The following CSMD1 variants were observed in gnomAD, a reference collection of about 807,000 sequenced individuals.
CSMD1 encodes CUB and Sushi multiple domains 1.
CSMD1 carries 213 observed loss-of-function variants against 417.5 expected under a neutral mutation model. The ratio of observed to expected loss-of-function variants is 0.51; its 90% CI spans 0.46 to 0.57. The LOEUF (loss-of-function observed/expected upper bound fraction) is 0.57. CSMD1 is among the 20% of genes least tolerant of loss of function. CSMD1 has a pLI of 0.00. For synonymous variants in CSMD1, 2,862 were observed against 1,736.8 expected (o/e 1.65, Z -16.11); for missense variants, 6,923 against 4,529.7 (o/e 1.53, Z -15.17).
chr8:3,310,381 T>C (rs1406798879), intron 23 of CSMD1, among the ~76,000 whole-genome samples: 4 of 152,190 alleles, frequency 2.6e-5, no homozygotes, highest in Non-Finnish European at 5.9e-5. Flanking sequence ...TCTGAACAAG[T>C]CTTTAGAAGG....
intron 6 of CSMD1, among the ~76,000 whole-genome samples, chr8:3,740,941 G>T (rs1796769502): frequency 1.3e-5 from 2 of 151,944 alleles, no homozygotes; most frequent in South Asian, 4.2e-4. Flanking sequence ...GGGGGCCAGG[G>T]GTAGTGGCTC....
At chr8:3,907,034 G>T (rs572683202) in intron 5 of CSMD1, among the ~76,000 whole-genome samples, 1 of 152,224 alleles carries the variant, frequency 6.6e-6, no homozygotes, top group African/African-American at 2.4e-5. Flanking sequence ...GAGAAAAATG[G>T]CTGGGAGAGC....
intron 3 of CSMD1, among the ~76,000 whole-genome samples, chr8:4,407,129 C>T (rs575517691): frequency 1.3e-5 from 2 of 152,152 alleles, no homozygotes; most frequent in Admixed American, 1.3e-4. Flanking sequence ...ACCACAGACA[C>T]CAGATGAGCT....
rs563335394 is a variant in CSMD1, at chr8:3,038,231, T to C, written c.7661-8718A>G. 7.2e-5 allele frequency among the ~76,000 whole-genome samples: 11 copies of C among 152,336 alleles called. No individual in the cohort carries two copies. In the South Asian group the frequency reaches 1.0e-3, roughly 14 times the overall value. ...TAAATTCACCTCATCCAGTTAGTGA[T>C]ACCAGCAAATAGGCCTTTGAAGTTT... is the stretch of plus-strand genomic sequence containing the variant. On this transcript the variant is annotated intron_variant, in intron 50 of 69. Coordinates refer to ENST00000635120, the MANE Select transcript of CSMD1 (RefSeq NM_033225.6).
intron 2 of CSMD1, among the ~76,000 whole-genome samples, chr8:4,512,284 C>T (rs954754766): frequency 6.6e-6 from 1 of 152,160 alleles, no homozygotes; most frequent in Non-Finnish European, 1.5e-5. Flanking sequence ...AAGAGGGAAA[C>T]CTTCTCAATC....
chr8:3,537,170 A>C (rs1240580755), intron 10 of CSMD1, among the ~76,000 whole-genome samples: 2 of 151,912 alleles, frequency 1.3e-5, no homozygotes, highest in Non-Finnish European at 2.9e-5. Flanking sequence ...CGCCCAGCTA[A>C]TTTGTTGTAT....
At chr8:3,502,833 G>C (rs144621083) in intron 10 of CSMD1, among the ~76,000 whole-genome samples, 1 of 152,164 alleles carries the variant, frequency 6.6e-6, no homozygotes, top group African/African-American at 2.4e-5. Flanking sequence ...AGCAGCCGGA[G>C]TGAGCCCTAA....
chr8:4,509,429 T>G (rs942017476), intron 2 of CSMD1, among the ~76,000 whole-genome samples: 29 of 152,142 alleles, frequency 1.9e-4, no homozygotes, highest in Non-Finnish European at 3.8e-4. Flanking sequence ...TGTAAAGAAT[T>G]AATTAAAGAA....
Position 4,251,734 on chromosome 8 carries a change from A to T in CSMD1, c.415+168219T>A, listed in dbSNP as rs561431052. Among the ~76,000 whole-genome samples the T allele has an allele frequency of 2.0e-5, 3 of 152,196 alleles. No homozygotes were observed. The South Asian group carries it at 6.2e-4, about 32-fold the overall frequency. ...GTGTACCTAGTCCTGATGAGACGTC[A>T]CAGTTGTGACATCTCACAAGTGTGT... On this transcript the variant is annotated intron_variant, in intron 3 of 69. Transcript: ENST00000635120.
intron 6 of CSMD1, among the ~76,000 whole-genome samples, chr8:3,714,760 G>C (rs368400239): frequency 7.4e-4 from 112 of 151,752 alleles, no homozygotes; most frequent in African/African-American, 2.7e-3. Context: ...AACAACACAA[G>C]AATTTTTTTA....
At chr8:3,858,177 AT>A (rs1453684686) in intron 5 of CSMD1, among the ~76,000 whole-genome samples, 1 of 152,178 alleles carries the variant, frequency 6.6e-6, no homozygotes, top group Non-Finnish European at 1.5e-5. Flanking sequence ...CAATTAAGTA[AT>A]TTTTTGACTC....
At chr8:4,227,585 G>A (rs1420182152) in intron 3 of CSMD1, among the ~76,000 whole-genome samples, 2 of 152,024 alleles carry the variant, frequency 1.3e-5, no homozygotes, top group Admixed American at 6.6e-5. Context: ...AAGTCCCACA[G>A]CCCCCGACCT....
intron 5 of CSMD1, among the ~76,000 whole-genome samples, chr8:3,908,068 C>G (rs2688301): frequency 0.94 from 143,342 of 152,172 alleles, 67,657 homozygotes; most frequent in Middle Eastern, 0.99. Context: ...TCTCAAATTG[C>G]AGTCACTGGA....
rs146712867 is a variant in CSMD1 at position 4,029,803 on chromosome 8, A to C, written c.610+2102T>G. Among the ~76,000 whole-genome samples, 131 of 152,306 alleles carry C rather than the reference A, an allele frequency of 8.6e-4. 1 individual carries two copies. The highest frequency in any genetic ancestry group is 3.1e-3 in the African/African-American group (129 of 41,576). On this transcript the variant is annotated intron_variant, in intron 4 of 69. Transcript: ENST00000635120. ...ACAAAACAAGTATCTTCCTCTTATG[A>C]ACCTGTATAATAAAATACAAGCTAG... is the stretch of plus-strand genomic sequence containing the variant.
chr8:4,255,705 G>T (rs1336480624), intron 3 of CSMD1, among the ~76,000 whole-genome samples: 2 of 152,154 alleles, frequency 1.3e-5, no homozygotes, highest in African/African-American at 4.8e-5. Flanking sequence ...ATTATCTTAG[G>T]CACTGTGAGT....
chr8:4,148,487 G>A (rs920809758), intron 3 of CSMD1, among the ~76,000 whole-genome samples: 2 of 151,798 alleles, frequency 1.3e-5, no homozygotes, highest in South Asian at 4.2e-4. Flanking sequence ...CCTGCACATT[G>A]TGCACATGTA....
chr8:3,613,432 G>A (rs962490992), intron 8 of CSMD1, among the ~76,000 whole-genome samples: 3 of 151,846 alleles, frequency 2.0e-5, no homozygotes, highest in Non-Finnish European at 2.9e-5. Context: ...TACTCTGACA[G>A]GAACAACAAA....
In CSMD1 at chr8:4,678,316, C is replaced by G. The variant is rs569661051; in HGVS notation, c.86-40758G>C. Among the ~76,000 whole-genome samples the G allele has an allele frequency of 2.6e-5, 4 of 151,996 alleles. No homozygotes were observed. The East Asian group carries it at 7.8e-4, about 30-fold the overall frequency. On this transcript the variant is annotated intron_variant, in intron 1 of 69. Transcript: ENST00000635120. ...GTCCCAACTACTTGGGAGGGTGAGG[C>G]ATGAGAATAACCTGAACCCAAGAGG...
chr8:4,604,378 G>A (rs894385021), intron 2 of CSMD1, among the ~76,000 whole-genome samples: 1 of 99,616 alleles, frequency 1.0e-5, no homozygotes, highest in Non-Finnish European at 2.0e-5. Flanking sequence ...TTGACAAATA[G>A]CATTGTGTGT....
Sources: allele counts gnomAD v4.1 joint callset (sites outside exome capture counted in the v4.1 genomes callset), GRCh38; gene constraint gnomAD v4.1.1; transcripts MANE v1.5; gene names NCBI Gene and HGNC (gene_info 2026-07-23, HGNC 2026-07-21).